The following POU2AF1 variants were observed in gnomAD, a reference collection of about 807,000 sequenced individuals.
POU2AF1 encodes POU class 2 homeobox associating factor 1, also known as POU domain class 2-associating factor 1.
In POU2AF1, 12 loss-of-function variants were observed where a neutral mutation model predicts 26.3. The ratio of observed to expected loss-of-function variants is 0.46; its 90% CI spans 0.29 to 0.74. The LOEUF (loss-of-function observed/expected upper bound fraction) is 0.74. Ranked by LOEUF, POU2AF1 falls within the 30% of genes least tolerant of loss-of-function variation. The pLI is 0.09. For missense variants in POU2AF1, 297 were observed against 334.5 expected (o/e 0.89, Z 0.87); for synonymous variants, 175 against 148.0 (o/e 1.18, Z -1.32).
intron 1 of POU2AF1, among the ~76,000 whole-genome samples, chr11:111,362,472 T>C (rs1419915102): frequency 1.3e-5 from 2 of 152,196 alleles, no homozygotes; most frequent in East Asian, 3.8e-4. Context: ...CTGCTGCCCT[T>C]CCCAGCTTCT....
intron 1 of POU2AF1, among the ~76,000 whole-genome samples, chr11:111,366,831 G>A (rs1227963209): frequency 1.3e-5 from 2 of 152,134 alleles, no homozygotes; most frequent in Admixed American, 1.3e-4. Flanking sequence ...AAGTGGTCTA[G>A]GGGCCAAGTG....
At chr11:111,363,544 G>A in intron 1 of POU2AF1, 1 of 942,908 alleles carries the variant, frequency 1.1e-6, no homozygotes, top group Non-Finnish European at 1.3e-6. Context: ...GAGGAAAAAA[G>A]TTTGTCTAAA....
chr11:111,355,172 T>A (rs942893904), intron 4 of POU2AF1, among the ~76,000 whole-genome samples: 4 of 152,192 alleles, frequency 2.6e-5, no homozygotes, highest in Non-Finnish European at 5.9e-5. Context: ...GGGGAAGCAC[T>A]GCTTTGTCAG....
intron 1 of POU2AF1, among the ~76,000 whole-genome samples, chr11:111,370,126 G>C (rs1254508345): frequency 6.6e-6 from 1 of 152,180 alleles, no homozygotes; most frequent in Non-Finnish European, 1.5e-5. Flanking sequence ...TGTAGCCTTC[G>C]CAAGTGAGAG....
chr11:111,369,979 G>GA (rs1048122719), intron 1 of POU2AF1, among the ~76,000 whole-genome samples: 2 of 152,154 alleles, frequency 1.3e-5, no homozygotes, highest in African/African-American at 2.4e-5. Flanking sequence ...GAGCTTTATT[G>GA]AAAAAACTTA....
chr11:111,363,160 G>A, intron 1 of POU2AF1: 2 of 1,012,418 alleles, frequency 2.0e-6, no homozygotes, highest in South Asian at 9.3e-5. Flanking sequence ...CATATGTGGG[G>A]CAATCTCTAA....
intron 1 of POU2AF1, among the ~76,000 whole-genome samples, chr11:111,364,493 C>G (rs1861068016): frequency 2.0e-5 from 3 of 152,236 alleles, no homozygotes; most frequent in Admixed American, 1.3e-4. Context: ...TGGCTCTGAG[C>G]TAAGCAAACA....
intron 2 of POU2AF1, 63 bp downstream of exon 2, chr11:111,358,725 C>A (rs1860940250): frequency 6.6e-7 from 1 of 1,520,670 alleles, no homozygotes; most frequent in Non-Finnish European, 8.8e-7. Flanking sequence ...CTCACACTAT[C>A]CCTGACACAC....
chr11:111,357,772 C>T (rs1367731284), intron 3 of POU2AF1, 23 bp downstream of exon 3: 2 of 1,612,782 alleles, frequency 1.2e-6, no homozygotes, highest in South Asian at 1.1e-5. Flanking sequence ...CTGGGGGCCA[C>T]CAGGGCTACG....
intron 4 of POU2AF1, among the ~76,000 whole-genome samples, chr11:111,356,488 T>C (rs1165256695): frequency 6.6e-6 from 1 of 152,180 alleles, no homozygotes; most frequent in Non-Finnish European, 1.5e-5. Context: ...CCATCGAAGG[T>C]GGGCTCTGGG....
chr11:111,358,780 ACT>A lies in POU2AF1; in HGVS notation c.147+6_147+7del, dbSNP rs763606511. The A allele has an allele frequency of 1.3e-6, 2 of 1,574,418 alleles. No individual in the cohort carries two copies. Among genetic ancestry groups the A allele is most frequent in the Non-Finnish European group, 1.7e-6 (2 of 1,164,562 alleles). On this transcript the variant is annotated splice_donor_region_variant and intron_variant, in intron 2 of 4. Coordinates refer to ENST00000393067, the MANE Select transcript of POU2AF1 (RefSeq NM_006235.3). ...CACACTCACACTCTCACACACACAA[ACT>A]CTCACCGCCGTAGGTGCAGGTGCTG...
At chr11:111,359,398 A>G (rs1354289019) in intron 1 of POU2AF1, 1 of 198,764 alleles carries the variant, frequency 5.0e-6, no homozygotes. Flanking sequence ...AGTAATTTCC[A>G]CATTCTACAG....
intron 1 of POU2AF1, among the ~76,000 whole-genome samples, chr11:111,366,316 A>G (rs1408353113): frequency 6.6e-6 from 1 of 152,230 alleles, no homozygotes; most frequent in Admixed American, 6.5e-5. Flanking sequence ...AATCTGGATG[A>G]TACCCAGGAC....
At chr11:111,355,780 C>T (rs1038221711) in intron 4 of POU2AF1, among the ~76,000 whole-genome samples, 1 of 152,172 alleles carries the variant, frequency 6.6e-6, no homozygotes, top group Non-Finnish European at 1.5e-5. Context: ...GGCCTTCCAG[C>T]CTCCTGAAAT....
intron 2 of POU2AF1, 90 bp downstream of exon 2, chr11:111,358,698 T>TCA (rs1318462806): frequency 6.9e-7 from 1 of 1,450,764 alleles, no homozygotes; most frequent in Admixed American, 2.0e-5. Context: ...ATACACATAC[T>TCA]CACACACACA....
At chr11:111,361,521 T>TAC (rs1209354111) in intron 1 of POU2AF1, among the ~76,000 whole-genome samples, 1 of 152,226 alleles carries the variant, frequency 6.6e-6, no homozygotes, top group Non-Finnish European at 1.5e-5. Context: ...ACCAAAATAA[T>TAC]ACATGGGGAG....
intron 4 of POU2AF1, among the ~76,000 whole-genome samples, chr11:111,356,662 G>C (rs556933944): frequency 6.6e-6 from 1 of 152,088 alleles, no homozygotes; most frequent in South Asian, 2.1e-4. Context: ...CTTCATTCCC[G>C]GGGGAAGAGG....
chr11:111,360,810 G>A lies in POU2AF1; in HGVS notation c.17-1892C>T, dbSNP rs148042169. On this transcript the variant is annotated intron_variant, in intron 1 of 4. Coordinates refer to ENST00000393067, the MANE Select transcript of POU2AF1 (RefSeq NM_006235.3). ...ATACAAAAAATTAGCCAGATGTGGT[G>A]GCAGGCACCTGTAATCCCAGTTACT... Among the ~76,000 whole-genome samples the A allele has an allele frequency of 5.8e-3, 881 of 152,168 alleles. 8 individuals are homozygous for A. The highest frequency in any genetic ancestry group is 0.01 in the Middle Eastern group (3 of 294).
chr11:111,359,532 T>G, intron 1 of POU2AF1: 1 of 182,910 alleles, frequency 5.5e-6, no homozygotes, highest in Non-Finnish European at 1.2e-5. Context: ...ACCACCTTCC[T>G]GTGTGATCCT....
Sources: gnomAD v4.1 joint callset for allele counts (sites outside exome capture counted in the v4.1 genomes callset) on GRCh38, gnomAD v4.1.1 for gene constraint, MANE v1.5 for transcripts, NCBI Gene and HGNC (gene_info 2026-07-23, HGNC 2026-07-21) for gene names.